SGSM2: variants seen among roughly 807,000 people sequenced by gnomAD.
SGSM2 encodes small G protein signaling modulator 2, also known as RUN and TBC1 domain containing 1.
SGSM2 carries 89 observed loss-of-function variants against 126.6 expected under a neutral mutation model. The ratio of observed to expected loss-of-function variants is 0.70; its 90% confidence interval spans 0.59 to 0.84. SGSM2 has a LOEUF of 0.84. Among genes scored for constraint, SGSM2 ranks in the 40% least tolerant of loss-of-function variants. The probability of loss-of-function intolerance (pLI) is 0.00; values close to 1 mark genes in which losing one functional copy is unlikely to be tolerated. For missense variants in SGSM2, 1,404 were observed against 1,416.6 expected, an observed-to-expected ratio of 0.99 and a Z score of 0.14; for synonymous variants, 614 against 574.3, an observed-to-expected ratio of 1.07 and a Z score of -0.99.
chr17:2,363,445 A>G lies in SGSM2; in HGVS notation c.673-20A>G, dbSNP rs1443029758. The G allele has an allele frequency of 1.9e-6, 3 of 1,611,924 alleles. No individual in the cohort carries two copies. The highest frequency in any genetic ancestry group is 2.5e-6 in the Non-Finnish European group (3 of 1,179,856). On this transcript the variant is annotated intron_variant, in intron 6 of 23. Coordinates refer to ENST00000268989, the MANE Select transcript of SGSM2 (RefSeq NM_014853.3). This position sits in a 1 kb window ranked among gnomAD's most constrained non-coding sequence, Gnocchi z 4.2. ...GCCAGTTTCCCAAGGCTGGAGGCTG[A>G]GCCCCGGCCTTCCACACAGATCCGG...
At chr17:2,350,079 G>T (rs1013596292) in intron 2 of SGSM2, among the ~76,000 whole-genome samples, 1 of 151,692 alleles carries the variant, frequency 6.6e-6, no homozygotes, top group East Asian at 2.0e-4. Context: ...AAGCCACCAC[G>T]CCTGGCCTAA....
chr17:2,345,371 C>T (rs907380389), intron 2 of SGSM2, among the ~76,000 whole-genome samples: 54 of 148,988 alleles, frequency 3.6e-4, no homozygotes, highest in Non-Finnish European at 2.2e-4. Context: ...TGGAGGTGGG[C>T]GGATCACGAG....
intron 2 of SGSM2, among the ~76,000 whole-genome samples, chr17:2,354,837 G>C (rs1474838869): frequency 1.1e-4 from 16 of 152,082 alleles, no homozygotes; most frequent in Non-Finnish European, 2.1e-4. Flanking sequence ...AGTGTGTAAG[G>C]GTTGGGGGCA....
At chr17:2,352,878 C>G (rs9303051) in intron 2 of SGSM2, among the ~76,000 whole-genome samples, 2 of 108,752 alleles carry the variant, frequency 1.8e-5, no homozygotes, top group South Asian at 3.4e-4. Context: ...CCCGGGTTCA[C>G]GCCATTCTCC....
In SGSM2 at chr17:2,372,176, G is replaced by A. The variant is rs375415077; in HGVS notation, c.1578-14G>A. 466 of 1,613,170 alleles carry A rather than the reference G, an allele frequency of 2.9e-4. 7 individuals carry two copies. The South Asian group carries it at 4.7e-3, about 16-fold the overall frequency. ...GCCGCAGCCCCTCCCTGCTGAGCCC[G>A]GTTGTTGCCACAGGTTGCCGCTCAG... On this transcript the variant is annotated splice_polypyrimidine_tract_variant and intron_variant, in intron 13 of 23. Coordinates refer to ENST00000268989, the MANE Select transcript of SGSM2 (RefSeq NM_014853.3). The surrounding 1 kb of genome is among the most constrained non-coding windows in gnomAD (Gnocchi z 6.0).
rs2066334568 is a variant in SGSM2 at position 2,379,689 on chromosome 17, G to T, written c.*169G>T. On this transcript the variant is annotated 3_prime_UTR_variant, in exon 24 of 24. Transcript: ENST00000268989. ...CGGCAGTGCTGACCCTGCAGGGCAA[G>T]TCAGGGGCCAGGATGCCCTCGGATC... 2.1e-6 allele frequency: 3 copies of T among 1,428,056 alleles called. No homozygotes were observed. In the East Asian group the frequency reaches 7.6e-5, roughly 36 times the overall value. The allele number at this position is 1,428,056 out of a possible 1,614,324, so 88.5% of individuals were successfully genotyped here.
chr17:2,372,819 C>A lies in SGSM2; in HGVS notation c.1789-134C>A. 2 of 1,281,240 alleles carry A rather than the reference C, an allele frequency of 1.6e-6. No individual in the cohort carries two copies. The highest frequency in any genetic ancestry group is 2.1e-6 in the Non-Finnish European group (2 of 945,316). The allele number at this position is 1,281,240 out of a possible 1,614,324, so 79.4% of individuals were successfully genotyped here. The stretch of plus-strand genomic sequence containing the variant: ...GGGGCACGGGAGGACGTGGCCACCC[C>A]AAAGCAGGCCTTGCCTGGGCTTCAG... On this transcript the variant is annotated intron_variant, in intron 15 of 23. Coordinates refer to ENST00000268989, the MANE Select transcript of SGSM2 (RefSeq NM_014853.3). This position sits in a 1 kb window ranked among gnomAD's most constrained non-coding sequence, Gnocchi z 6.0.
chr17:2,354,342 C>A (rs1348568395), intron 2 of SGSM2, among the ~76,000 whole-genome samples: 1 of 152,178 alleles, frequency 6.6e-6, no homozygotes, highest in Non-Finnish European at 1.5e-5. Flanking sequence ...GCCACCGCGC[C>A]CAGCCAAGTT....
chr17:2,349,269 G>C (rs8080303), intron 2 of SGSM2, among the ~76,000 whole-genome samples: 65,342 of 151,622 alleles, frequency 0.43, 14,212 homozygotes, highest in Admixed American at 0.53. Flanking sequence ...CCAGCTCTTT[G>C]GGAGGCTGAG....
chr17:2,379,705 C>T lies in SGSM2; in HGVS notation c.*185C>T, dbSNP rs2066335178. The T allele has an allele frequency of 7.0e-6, 10 of 1,420,590 alleles. No homozygotes were observed. The highest frequency in any genetic ancestry group is 2.7e-5 in the Admixed American group (1 of 36,798). The allele number at this position is 1,420,590 out of a possible 1,614,324, so 88.0% of individuals were successfully genotyped here. ...GCAGGGCAAGTCAGGGGCCAGGATG[C>T]CCTCGGATCAGGGCCGGGATGGGAG... On this transcript the variant is annotated 3_prime_UTR_variant, in exon 24 of 24. Transcript: ENST00000268989.
intron 2 of SGSM2, among the ~76,000 whole-genome samples, chr17:2,359,993 C>T (rs1264654406): frequency 6.6e-6 from 1 of 152,170 alleles, no homozygotes; most frequent in East Asian, 1.9e-4. Flanking sequence ...CACAAGACCT[C>T]CAGGGACCAG....
chr17:2,365,124 C>T, intron 10 of SGSM2, 67 bp downstream of exon 10: 2 of 1,597,092 alleles, frequency 1.3e-6, no homozygotes, highest in Non-Finnish European at 1.7e-6. Context: ...TCCCTTCCTT[C>T]CCCACGTGGA....
At position 2,352,779 on chromosome 17, in the gene SGSM2, T is replaced by C. The variant is rs1227746274; in HGVS notation, c.134-8858T>C. 8.1e-4 allele frequency among the ~76,000 whole-genome samples: 108 copies of C among 133,628 alleles called. 1 individual carries two copies. Among genetic ancestry groups the C allele is most frequent in the African/African-American group, 2.9e-3 (100 of 33,928 alleles). The allele number at this position is 133,628 out of a possible 152,430, so 87.7% of individuals were successfully genotyped here. On this transcript the variant is annotated intron_variant, in intron 2 of 23. Coordinates refer to ENST00000268989, the MANE Select transcript of SGSM2 (RefSeq NM_014853.3). Reference sequence around the variant, plus strand: ...ACTGCTGCATTTTCTTTTTTTTTTTTTTTTTTTTTTTTTTTTGAGACGGAG... The same window carrying C: ...ACTGCTGCATTTTCTTTTTTTTTTTCTTTTTTTTTTTTTTTTGAGACGGAG...
intron 12 of SGSM2, among the ~76,000 whole-genome samples, chr17:2,369,683 C>T (rs77848394): frequency 0.037 from 5,669 of 151,990 alleles, 336 homozygotes; most frequent in African/African-American, 0.13. Flanking sequence ...TGCCCACCCC[C>T]GCCCTCACCC....
Position 2,372,805 on chromosome 17 carries a change from G to T in SGSM2, c.1789-148G>T. The T allele has an allele frequency of 9.2e-7, 1 of 1,090,478 alleles. No individual in the cohort carries two copies. The allele number at this position is 1,090,478 out of a possible 1,614,324, so 67.6% of individuals were successfully genotyped here. A position where few individuals can be genotyped will look rare whatever the true frequency, so the allele number is the denominator to read the frequency against. ...TCCCACTGTGAGCTGGGGCACGGGAGGACGTGGCCACCCCAAAGCAGGCCT... is the reference window on the plus strand; with the variant it reads ...TCCCACTGTGAGCTGGGGCACGGGATGACGTGGCCACCCCAAAGCAGGCCT... On this transcript the variant is annotated intron_variant, in intron 15 of 23. Transcript: ENST00000268989. The surrounding 1 kb of genome is among the most constrained non-coding windows in gnomAD (Gnocchi z 6.0).
At chr17:2,373,309 T>C (rs1211936209) in intron 16 of SGSM2, 22 bp from the exon 17 acceptor site, 2 of 1,602,024 alleles carry the variant, frequency 1.2e-6, no homozygotes, top group South Asian at 1.1e-5. Context: ...TCCCCCATGG[T>C]CGTGGTGTGG....
At chr17:2,350,396 G>A (rs1015612324) in intron 2 of SGSM2, among the ~76,000 whole-genome samples, 1 of 151,678 alleles carries the variant, frequency 6.6e-6, no homozygotes, top group African/African-American at 2.4e-5. Context: ...GATCACCTGA[G>A]GTCAGGAGTT....
At chr17:2,377,984 G>T in intron 22 of SGSM2, 31 bp downstream of exon 22, 1 of 1,353,278 alleles carries the variant, frequency 7.4e-7, no homozygotes, top group Non-Finnish European at 1.1e-6. Flanking sequence ...TGGGGCTGAG[G>T]TCAGGGACAG....
intron 21 of SGSM2, 50 bp downstream of exon 21, chr17:2,377,118 G>A (rs1381728268): frequency 4.3e-6 from 5 of 1,157,986 alleles, no homozygotes; most frequent in Non-Finnish European, 6.4e-6. Context: ...TGCTGGGCTG[G>A]TCCATCGTCC....
Sources: allele counts gnomAD v4.1 joint callset (sites outside exome capture counted in the v4.1 genomes callset), GRCh38; gene constraint gnomAD v4.1.1; non-coding constraint Gnocchi (gnomAD v3.1); transcripts MANE v1.5; gene names NCBI Gene and HGNC (gene_info 2026-07-23, HGNC 2026-07-21).